Variants in FECH observed in about 807,000 individuals in gnomAD.
FECH encodes the protein ferrochelatase.
In FECH, 40 loss-of-function variants were observed where a neutral mutation model predicts 56.9. The ratio of observed to expected loss-of-function variants is 0.70; its 90% CI spans 0.55 to 0.92. FECH has a LOEUF of 0.92. FECH is among the 40% of genes least tolerant of loss of function. FECH has a pLI of 0.00. For missense variants in FECH, 431 were observed against 529.1 expected, an observed-to-expected ratio of 0.81 and a Z score of 1.82; for synonymous variants, 175 against 198.6, an observed-to-expected ratio of 0.88 and a Z score of 1.00.
intron 7 of FECH, among the ~76,000 whole-genome samples, 170 bp downstream of exon 7, chr18:57,558,975 G>A (rs1261769370): frequency 1.3e-5 from 2 of 152,182 alleles, no homozygotes; most frequent in African/African-American, 2.4e-5. Flanking sequence ...TGAATTCATT[G>A]TTACGAGGTT....
intron 5 of FECH, 29 bp downstream of exon 5, chr18:57,566,418 C>A (rs1174462745): frequency 6.2e-7 from 1 of 1,614,060 alleles, no homozygotes; most frequent in South Asian, 1.1e-5. Flanking sequence ...ACCGTATCTA[C>A]CTTTCCACTG....
chr18:57,569,392 G>GA (rs1255854020), intron 4 of FECH, among the ~76,000 whole-genome samples: 1 of 152,172 alleles, frequency 6.6e-6, no homozygotes, highest in Non-Finnish European at 1.5e-5. Context: ...ACGACAGCAT[G>GA]AAACATGTTT....
intron 1 of FECH, 91 bp downstream of exon 1, chr18:57,586,463 C>T: frequency 7.3e-7 from 1 of 1,373,230 alleles, no homozygotes; most frequent in Non-Finnish European, 9.8e-7. Context: ...CCGAATCCCC[C>T]GGGCGCGAGG....
chr18:57,572,416 G>T (rs1321873652), intron 3 of FECH, among the ~76,000 whole-genome samples: 1 of 150,316 alleles, frequency 6.7e-6, no homozygotes, highest in Non-Finnish European at 1.5e-5. Flanking sequence ...CTATCGTGGA[G>T]TGGGGGGAGA....
At chr18:57,568,891 A>G (rs1045062881) in intron 4 of FECH, among the ~76,000 whole-genome samples, 1 of 152,216 alleles carries the variant, frequency 6.6e-6, no homozygotes. Context: ...GCTCACGTAT[A>G]TTGAACTTTT....
intron 1 of FECH, among the ~76,000 whole-genome samples, chr18:57,584,194 A>ACT: frequency 2.1e-5 from 3 of 145,862 alleles, no homozygotes; most frequent in Non-Finnish European, 4.6e-5. Flanking sequence ...AAAAAAAAAA[A>ACT]GAAAACAAAA....
intron 5 of FECH, 128 bp from the exon 6 acceptor site, chr18:57,563,108 A>C (rs1443021767): frequency 1.4e-6 from 1 of 733,794 alleles, no homozygotes; most frequent in Non-Finnish European, 2.4e-6. Flanking sequence ...GTCTAATTAC[A>C]ATCATTTCAA....
chr18:57,561,299 A>AAAT (rs1052372435), intron 6 of FECH, among the ~76,000 whole-genome samples: 6 of 152,192 alleles, frequency 3.9e-5, no homozygotes, highest in African/African-American at 1.2e-4. Context: ...TTTTCATTTT[A>AAAT]GTTTAGGGTT....
intron 4 of FECH, among the ~76,000 whole-genome samples, chr18:57,566,793 C>T (rs1457489712): frequency 6.6e-6 from 1 of 151,960 alleles, no homozygotes; most frequent in African/African-American, 2.4e-5. Context: ...GGATCAGTAC[C>T]CCACCCACAC....
rs150830931 is a variant in FECH at position 57,580,082 on chromosome 18, G to A, written c.185C>T (p.Pro62Leu). The A allele has an allele frequency of 2.0e-5, 33 of 1,613,872 alleles. No homozygotes were observed. Among genetic ancestry groups the A allele is most frequent in the South Asian group, 5.5e-5 (5 of 91,064 alleles). Residue 62 changes from proline (P) to leucine (L), a missense_variant, in exon 2 of 11, where the codon CCG becomes CTG. Coordinates refer to ENST00000262093, the MANE Select transcript of FECH (RefSeq NM_000140.5). ...HAQGAKPQVQ[P>L]QKRKPKTGIL... is the part of the protein sequence containing the mutation. ...GATGTTAGACTCATACCTCTTCTGCGGTTGAACTTGAGGTTTTGCACCCTG... is the reference window on the plus strand; with the variant it reads ...GATGTTAGACTCATACCTCTTCTGCAGTTGAACTTGAGGTTTTGCACCCTG...
At chr18:57,581,297 G>A (rs1333899788) in intron 1 of FECH, among the ~76,000 whole-genome samples, 1 of 152,224 alleles carries the variant, frequency 6.6e-6, no homozygotes, top group Non-Finnish European at 1.5e-5. Context: ...GGAGGTGGCA[G>A]TGGGTCTGAA....
chr18:57,585,540 C>T (rs948746777), intron 1 of FECH, among the ~76,000 whole-genome samples: 6 of 152,314 alleles, frequency 3.9e-5, no homozygotes, highest in Middle Eastern at 3.4e-3. Flanking sequence ...CCCTTTGTCC[C>T]CCAGCGCCCT....
intron 7 of FECH, among the ~76,000 whole-genome samples, 176 bp downstream of exon 7, chr18:57,558,969 T>C (rs1198847108): frequency 6.6e-6 from 1 of 152,198 alleles, no homozygotes; most frequent in African/African-American, 2.4e-5. Flanking sequence ...ATAATTTGAA[T>C]TCATTGTTAC....
chr18:57,558,870 G>A (rs1364692119), intron 7 of FECH, among the ~76,000 whole-genome samples: 30 of 152,006 alleles, frequency 2.0e-4, no homozygotes, highest in South Asian at 2.1e-4. Flanking sequence ...GCAGTGAGCC[G>A]AGACTGCACC....
chr18:57,577,890 AT>A (rs1283512714), intron 2 of FECH, among the ~76,000 whole-genome samples: 8 of 148,920 alleles, frequency 5.4e-5, no homozygotes, highest in Admixed American at 1.3e-4. Context: ...CCTCGTCTCT[AT>A]TTTTTTTTTA....
intron 5 of FECH, among the ~76,000 whole-genome samples, chr18:57,563,864 T>C (rs953644445): frequency 4.6e-5 from 7 of 152,166 alleles, no homozygotes; most frequent in African/African-American, 1.4e-4. Context: ...TTCCATGTTA[T>C]GATAAAAGCT....
chr18:57,554,050 G>T lies in FECH; in HGVS notation c.1077+210C>A, dbSNP rs1478089576. Among the ~76,000 whole-genome samples, 3 of 152,154 alleles carry T rather than the reference G, an allele frequency of 2.0e-5. No homozygotes were observed. The East Asian group carries it at 5.8e-4, about 29-fold the overall frequency. On this transcript the variant is annotated intron_variant, in intron 9 of 10. Transcript: ENST00000262093. ...GTGATCCCTGGGGCACCTGGTTTAA[G>T]GAAAGCACAGGTTTCCCCTCCCACT...
chr18:57,585,218 C>T (rs769311350), intron 1 of FECH, among the ~76,000 whole-genome samples: 6 of 152,038 alleles, frequency 3.9e-5, no homozygotes, highest in Non-Finnish European at 7.4e-5. Context: ...GGAAATAATC[C>T]TCAGTGTTTT....
At chr18:57,577,427 C>T (rs1178020159) in intron 2 of FECH, among the ~76,000 whole-genome samples, 2 of 152,186 alleles carry the variant, frequency 1.3e-5, no homozygotes, top group African/African-American at 4.8e-5. Context: ...CTAATGTCAA[C>T]CCCTGGCCTA....
Sources: gnomAD v4.1 joint callset for allele counts (sites outside exome capture counted in the v4.1 genomes callset) on GRCh38, gnomAD v4.1.1 for gene constraint, MANE v1.5 for transcripts, NCBI Gene and HGNC (gene_info 2026-07-23, HGNC 2026-07-21) for gene names.